The following SYK variants were observed in gnomAD, a reference collection of about 807,000 sequenced individuals.
SYK encodes the protein tyrosine-protein kinase SYK.
SYK carries 16 observed loss-of-function variants against 77.8 expected under a neutral mutation model. That is an observed-to-expected ratio of 0.21 (90% CI 0.14 to 0.31). The LOEUF (loss-of-function observed/expected upper bound fraction) is 0.31. Ranked by LOEUF, SYK falls within the 10% of genes least tolerant of loss-of-function variation. SYK has a pLI of 1.00. For missense variants in SYK, 529 were observed against 814.4 expected (o/e 0.65, Z 4.26); for synonymous variants, 312 against 308.7 (o/e 1.01, Z -0.11).
intron 1 of SYK, among the ~76,000 whole-genome samples, chr9:90,809,264 T>C (rs751054074): frequency 2.6e-5 from 4 of 152,360 alleles, no homozygotes; most frequent in South Asian, 4.1e-4. Context: ...GAAGCCTGTT[T>C]AAATATGCAG....
intron 7 of SYK, among the ~76,000 whole-genome samples, chr9:90,872,812 G>A (rs961479197): frequency 6.6e-6 from 1 of 152,166 alleles, no homozygotes; most frequent in African/African-American, 2.4e-5. Context: ...TTTATTGAGC[G>A]TCCTTGTGGA....
chr9:90,836,228 A>G (rs1826079106), intron 1 of SYK, among the ~76,000 whole-genome samples: 1 of 151,648 alleles, frequency 6.6e-6, no homozygotes, highest in African/African-American at 2.4e-5. Flanking sequence ...CGGAGCTTGC[A>G]GTGAGCCGAG....
At chr9:90,855,839 C>A (rs1827020031) in intron 3 of SYK, among the ~76,000 whole-genome samples, 1 of 152,082 alleles carries the variant, frequency 6.6e-6, no homozygotes, top group African/African-American at 2.4e-5. Context: ...GCATTCCTGC[C>A]AAGTTCTCAA....
intron 1 of SYK, among the ~76,000 whole-genome samples, chr9:90,820,224 G>T (rs1329147700): frequency 6.6e-6 from 1 of 152,198 alleles, no homozygotes. Context: ...CAAGCTGTCA[G>T]TGGATCTACC....
intron 1 of SYK, among the ~76,000 whole-genome samples, chr9:90,817,323 AG>A (rs1239877970): frequency 2.0e-5 from 3 of 152,250 alleles, no homozygotes; most frequent in Non-Finnish European, 4.4e-5. Flanking sequence ...TCTCTATTTC[AG>A]GGACATTAAT....
At chr9:90,870,761 T>C (rs754867732) in intron 7 of SYK, among the ~76,000 whole-genome samples, 8 of 152,208 alleles carry the variant, frequency 5.3e-5, no homozygotes, top group Non-Finnish European at 8.8e-5. Flanking sequence ...AAACCAAACC[T>C]AGTTTATTGC....
chr9:90,884,216 C>G (rs1462029148), intron 11 of SYK, among the ~76,000 whole-genome samples: 4 of 51,282 alleles, frequency 7.8e-5, no homozygotes, highest in African/African-American at 1.1e-4. Context: ...TATATATACA[C>G]GCATATACAC....
In SYK at chr9:90,844,053, C is replaced by T. The variant is rs1434557403; in HGVS notation, c.155C>T (p.Ala52Val). The change falls in exon 2 of 14, where the codon GCC (alanine) becomes GTC (valine). Residue 52 changes from alanine to valine, a missense_variant. This residue lies in a region of SYK where 321 missense variants were observed against 433.1 expected (regional missense o/e 0.74). Coordinates refer to ENST00000375754, the MANE Select transcript of SYK (RefSeq NM_003177.7). Reference sequence around the variant, plus strand: ...AGCCGCAACTACCTGGGTGGCTTCGCCCTGTCCGTGGCCCACGGGAGGAAG... The same window carrying T: ...AGCCGCAACTACCTGGGTGGCTTCGTCCTGTCCGTGGCCCACGGGAGGAAG... ...RQSRNYLGGF[A>V]LSVAHGRKAH... 1 of 1,612,812 alleles carries T rather than the reference C, an allele frequency of 6.2e-7. No individual in the cohort carries two copies. Among genetic ancestry groups the T allele is most frequent in the Non-Finnish European group, 8.5e-7 (1 of 1,179,340 alleles).
At chr9:90,893,260 T>C (rs1285063978) in intron 13 of SYK, among the ~76,000 whole-genome samples, 2 of 151,640 alleles carry the variant, frequency 1.3e-5, no homozygotes, top group African/African-American at 4.9e-5. Flanking sequence ...ATATATGGGG[T>C]TTTTTAAGCC....
chr9:90,866,983 G>T (rs1029605681), intron 6 of SYK, 148 bp from the exon 7 acceptor site: 3 of 729,656 alleles, frequency 4.1e-6, no homozygotes, highest in Non-Finnish European at 7.1e-6. Flanking sequence ...CAATGATCAG[G>T]TGTTGCCCGT....
intron 3 of SYK, among the ~76,000 whole-genome samples, chr9:90,853,516 A>G (rs77675812): frequency 0.025 from 3,830 of 152,172 alleles, 167 homozygotes; most frequent in East Asian, 0.22. Context: ...TGTGGCACAT[A>G]TACACCATGG....
At chr9:90,884,153 GTA>G (rs80244810) in intron 11 of SYK, among the ~76,000 whole-genome samples, 153 of 100,734 alleles carry the variant, frequency 1.5e-3, no homozygotes, top group South Asian at 3.1e-3. Context: ...ATGTGTGTGT[GTA>G]TATATACACA....
chr9:90,818,171 T>G (rs1034593980), intron 1 of SYK, among the ~76,000 whole-genome samples: 2 of 152,168 alleles, frequency 1.3e-5, no homozygotes, highest in Non-Finnish European at 1.5e-5. Context: ...CTGGTTCCAT[T>G]TTATTTCTTT....
At chr9:90,878,679 C>A in intron 10 of SYK, 85 bp from the exon 11 acceptor site, 1 of 1,158,402 alleles carries the variant, frequency 8.6e-7, no homozygotes, top group Non-Finnish European at 1.3e-6. Context: ...AGTAGATTCA[C>A]CCACTGCCTG....
chr9:90,822,033 G>A (rs1564073127), intron 1 of SYK, among the ~76,000 whole-genome samples: 1 of 152,028 alleles, frequency 6.6e-6, no homozygotes, highest in Non-Finnish European at 1.5e-5. Flanking sequence ...TGAAAATATG[G>A]TGACGGCAGG....
At chr9:90,808,816 C>G (rs1353432288) in intron 1 of SYK, among the ~76,000 whole-genome samples, 1 of 152,082 alleles carries the variant, frequency 6.6e-6, no homozygotes, top group Admixed American at 6.6e-5. Context: ...CCACCTTGCA[C>G]CCCCCACACT....
At chr9:90,856,368 C>T (rs1827037022) in intron 3 of SYK, among the ~76,000 whole-genome samples, 1 of 152,156 alleles carries the variant, frequency 6.6e-6, no homozygotes, top group African/African-American at 2.4e-5. Flanking sequence ...GTTGTTCTTG[C>T]CCATTTCTTC....
chr9:90,841,327 T>TTG (rs200400857), intron 1 of SYK, among the ~76,000 whole-genome samples: 8,309 of 151,720 alleles, frequency 0.055, 390 homozygotes, highest in East Asian at 0.22. Context: ...ACGTAGTGTG[T>TTG]TGTGTGTACT....
At chr9:90,874,477 A>G (rs56109223) in intron 8 of SYK, among the ~76,000 whole-genome samples, 186 bp downstream of exon 8, 1,908 of 152,314 alleles carry the variant, frequency 0.013, 35 homozygotes, top group African/African-American at 0.043. Context: ...TGATGGTGCT[A>G]TTGAATGAAA....
Sources: allele counts gnomAD v4.1 joint callset (sites outside exome capture counted in the v4.1 genomes callset), GRCh38; gene constraint gnomAD v4.1.1; regional missense constraint gnomAD v4.1.1; transcripts MANE v1.5; gene names NCBI Gene and HGNC (gene_info 2026-07-23, HGNC 2026-07-21).